The following ZNF423 variants were observed in gnomAD, a reference collection of about 807,000 sequenced individuals.
ZNF423 encodes the protein zinc finger protein 423.
ZNF423 carries 12 observed loss-of-function variants against 95.8 expected under a neutral mutation model. That is an observed-to-expected ratio of 0.13 (90% CI 0.08 to 0.20). The LOEUF (loss-of-function observed/expected upper bound fraction) is 0.20. ZNF423 is among the 10% of genes least tolerant of loss of function. The pLI, the probability that ZNF423 is intolerant of heterozygous loss-of-function variation, is 1.00. For synonymous variants in ZNF423, 749 were observed against 711.9 expected, an observed-to-expected ratio of 1.05 and a Z score of -0.83; for missense variants, 1,316 against 1,737.1, an observed-to-expected ratio of 0.76 and a Z score of 4.31.
chr16:49,808,857 C>T (rs984323313), intron 1 of ZNF423, among the ~76,000 whole-genome samples: 1 of 152,196 alleles, frequency 6.6e-6, no homozygotes, highest in African/African-American at 2.4e-5. Flanking sequence ...GCATTCCCTA[C>T]GCACACCAGA....
At chr16:49,583,692 A>T (rs1970740738) in intron 5 of ZNF423, among the ~76,000 whole-genome samples, 1 of 152,230 alleles carries the variant, frequency 6.6e-6, no homozygotes, top group East Asian at 1.9e-4. Context: ...ATACTGTACC[A>T]AATCTATATC....
intron 5 of ZNF423, among the ~76,000 whole-genome samples, chr16:49,571,969 A>T (rs1970368386): frequency 6.6e-6 from 1 of 152,244 alleles, no homozygotes; most frequent in Non-Finnish European, 1.5e-5. Flanking sequence ...CCATCCAAAA[A>T]ATACTGATTG....
intron 3 of ZNF423, among the ~76,000 whole-genome samples, chr16:49,725,872 C>T (rs144094231): frequency 1.3e-5 from 2 of 152,336 alleles, no homozygotes; most frequent in East Asian, 3.9e-4. Flanking sequence ...TCTCTAGGGC[C>T]CGCCAGGAGC....
In ZNF423 at chr16:49,742,805, A is replaced by T. The variant is rs139016298; in HGVS notation, c.101-11834T>A. On this transcript the variant is annotated intron_variant, in intron 2 of 7. Coordinates refer to ENST00000563137, the MANE Select transcript of ZNF423 (RefSeq NM_001379286.1). Reference sequence around the variant, plus strand: ...TCACCCCCCTTGTGGCTGCAAAAAAAGGATCCCGGTTAGGGGAAGAAAAGC... The same window carrying T: ...TCACCCCCCTTGTGGCTGCAAAAAATGGATCCCGGTTAGGGGAAGAAAAGC... Among the ~76,000 whole-genome samples the T allele has an allele frequency of 1.3e-5, 2 of 152,306 alleles. 1 individual carries two copies. The highest frequency in any genetic ancestry group is 2.9e-5 in the Non-Finnish European group (2 of 68,018).
intron 1 of ZNF423, among the ~76,000 whole-genome samples, chr16:49,809,093 C>T (rs750851954): frequency 4.6e-5 from 7 of 152,378 alleles, no homozygotes; most frequent in Non-Finnish European, 1.0e-4. Context: ...TGTGGCCACC[C>T]GTAGGGACCA....
At chr16:49,558,502 G>A (rs1969912137) in intron 5 of ZNF423, among the ~76,000 whole-genome samples, 2 of 152,216 alleles carry the variant, frequency 1.3e-5, no homozygotes, top group Admixed American at 6.5e-5. Context: ...AGAAGTGGCT[G>A]TAGGGGCCCT....
chr16:49,825,588 A>C (rs1424037941), intron 1 of ZNF423, among the ~76,000 whole-genome samples: 1 of 152,142 alleles, frequency 6.6e-6, no homozygotes, highest in Non-Finnish European at 1.5e-5. Flanking sequence ...AGCAGGAAGG[A>C]AGGCAGTGGG....
intron 3 of ZNF423, among the ~76,000 whole-genome samples, chr16:49,729,654 T>G (rs1417760894): frequency 7.3e-6 from 1 of 136,206 alleles, no homozygotes; most frequent in African/African-American, 3.3e-5. Flanking sequence ...ATTATTATTA[T>G]TATTATTATT....
At chr16:49,587,079 A>G (rs1160226301) in intron 5 of ZNF423, among the ~76,000 whole-genome samples, 1 of 152,144 alleles carries the variant, frequency 6.6e-6, no homozygotes, top group Non-Finnish European at 1.5e-5. Flanking sequence ...TCGCTGTCAC[A>G]AAGAGAGGGA....
chr16:49,677,271 G>GAGAAA (rs2031111954), intron 3 of ZNF423, among the ~76,000 whole-genome samples: 1 of 69,004 alleles, frequency 1.4e-5, no homozygotes, highest in Non-Finnish European at 2.9e-5. Flanking sequence ...GAGAAGAGAA[G>GAGAAA]AGAAGAGAAG....
At chr16:49,765,056 C>A (rs1201769640) in intron 2 of ZNF423, among the ~76,000 whole-genome samples, 1 of 151,958 alleles carries the variant, frequency 6.6e-6, no homozygotes, top group Admixed American at 6.6e-5. Context: ...CAGCCAAGTG[C>A]CTCCACCTCT....
chr16:49,640,510 A>C (rs1972936297), intron 3 of ZNF423, among the ~76,000 whole-genome samples: 1 of 152,108 alleles, frequency 6.6e-6, no homozygotes, highest in Non-Finnish European at 1.5e-5. Flanking sequence ...CTAAGACTTA[A>C]AGAGAGAACA....
At chr16:49,778,428 A>G (rs893630261) in intron 2 of ZNF423, among the ~76,000 whole-genome samples, 1 of 152,216 alleles carries the variant, frequency 6.6e-6, no homozygotes, top group Non-Finnish European at 1.5e-5. Context: ...GCACTGGCCC[A>G]TGGCCGCACA....
At chr16:49,569,675 A>G (rs34803929) in intron 5 of ZNF423, among the ~76,000 whole-genome samples, 73,136 of 151,976 alleles carry the variant, frequency 0.48, 17,962 homozygotes, top group East Asian at 0.76. Context: ...GGGCACTGCT[A>G]TTAGTCTGGG....
intron 7 of ZNF423, among the ~76,000 whole-genome samples, chr16:49,516,398 A>G (rs1968147330): frequency 6.6e-6 from 1 of 152,204 alleles, no homozygotes; most frequent in Non-Finnish European, 1.5e-5. Context: ...TGTCAATAAT[A>G]ATCACAGGCA....
intron 5 of ZNF423, among the ~76,000 whole-genome samples, chr16:49,533,710 C>A (rs1470633823): frequency 6.6e-6 from 1 of 152,218 alleles, no homozygotes; most frequent in African/African-American, 2.4e-5. Flanking sequence ...AAGAACCAGG[C>A]TGCGCGGAGG....
At chr16:49,679,965 C>T (rs950897849) in intron 3 of ZNF423, among the ~76,000 whole-genome samples, 39 of 152,342 alleles carry the variant, frequency 2.6e-4, no homozygotes, top group Middle Eastern at 6.8e-3. Flanking sequence ...GAAGGAGCTA[C>T]CCACTTCGGG....
chr16:49,595,400 C>T (rs59995108), intron 5 of ZNF423, among the ~76,000 whole-genome samples: 78,478 of 152,134 alleles, frequency 0.52, 21,926 homozygotes, highest in African/African-American at 0.72. Flanking sequence ...CCTGCCTGAA[C>T]TTAAATTCCC....
At position 49,490,379 on chromosome 16, in the gene ZNF423, A is replaced by T. The variant is rs1426529762; in HGVS notation, c.*896T>A. On this transcript the variant is annotated 3_prime_UTR_variant, in exon 8 of 8. Transcript: ENST00000563137. Reference sequence around the variant, plus strand: ...AAGAGTGGGAAGATCAGGGTATTCCATCATTAAGGGGTCTTCTGCTTTGAC... The same window carrying T: ...AAGAGTGGGAAGATCAGGGTATTCCTTCATTAAGGGGTCTTCTGCTTTGAC... The T allele has an allele frequency of 6.6e-6, 1 of 152,212 alleles. No individual in the cohort carries two copies. Among genetic ancestry groups the T allele is most frequent in the Non-Finnish European group, 1.5e-5 (1 of 68,046 alleles). The allele number at this position is 152,212 out of a possible 1,614,324, so 9.4% of individuals were successfully genotyped here.
Sources: allele counts gnomAD v4.1 joint callset (sites outside exome capture counted in the v4.1 genomes callset), GRCh38; gene constraint gnomAD v4.1.1; transcripts MANE v1.5; gene names NCBI Gene and HGNC (gene_info 2026-07-23, HGNC 2026-07-21).